The following MIPOL1 variants were observed in gnomAD, a reference collection of about 807,000 sequenced individuals.
The protein encoded by MIPOL1 is mirror-image polydactyly gene 1 protein.
A neutral mutation model predicts 60.9 loss-of-function variants in MIPOL1; 57 were observed. That is an observed-to-expected ratio of 0.94 (90% CI 0.76 to 1.17). The LOEUF is 1.17. Ranked by LOEUF, MIPOL1 falls within the 50% of genes most tolerant of loss-of-function variation. The pLI, the probability that MIPOL1 is intolerant of heterozygous loss-of-function variation, is 0.00. For synonymous variants in MIPOL1, 179 were observed against 168.8 expected (o/e 1.06, Z -0.47); for missense variants, 551 against 511.6 (o/e 1.08, Z -0.74).
intron 10 of MIPOL1, among the ~76,000 whole-genome samples, chr14:37,422,028 T>C (rs762301787): frequency 5.9e-5 from 9 of 152,016 alleles, no homozygotes; most frequent in Admixed American, 2.0e-4. Flanking sequence ...TTATGAAAAT[T>C]TAACTTTGAA....
At chr14:37,473,615 A>G (rs147526590) in intron 11 of MIPOL1, among the ~76,000 whole-genome samples, 2 of 152,292 alleles carry the variant, frequency 1.3e-5, no homozygotes, top group African/African-American at 4.8e-5. Context: ...CTCACGGCAC[A>G]ATTAAGGAAG....
chr14:37,321,292 T>A (rs58119755), intron 9 of MIPOL1, among the ~76,000 whole-genome samples: 1 of 152,150 alleles, frequency 6.6e-6, no homozygotes, highest in African/African-American at 2.4e-5. Flanking sequence ...ATGTGTCTCA[T>A]TATTATATAT....
intron 7 of MIPOL1, among the ~76,000 whole-genome samples, chr14:37,296,709 A>C (rs1594973892): frequency 6.6e-6 from 1 of 152,216 alleles, no homozygotes; most frequent in African/African-American, 2.4e-5. Flanking sequence ...ATCTAGAAGA[A>C]ATGGATAAAT....
At chr14:37,233,371 C>T (rs1970927196) in intron 1 of MIPOL1, among the ~76,000 whole-genome samples, 1 of 151,962 alleles carries the variant, frequency 6.6e-6, no homozygotes, top group Non-Finnish European at 1.5e-5. Context: ...AAAGTTTATT[C>T]TATATGTGGA....
chr14:37,257,105 G>GTA (rs545720150), intron 3 of MIPOL1, among the ~76,000 whole-genome samples: 1,700 of 150,304 alleles, frequency 0.011, 16 homozygotes, highest in Non-Finnish European at 0.019. Flanking sequence ...TTGTGTGTGT[G>GTA]TGTGTGTGTG....
chr14:37,344,390 C>G (rs2090792652), intron 9 of MIPOL1, among the ~76,000 whole-genome samples: 2 of 151,792 alleles, frequency 1.3e-5, no homozygotes, highest in Non-Finnish European at 2.9e-5. Context: ...TCTGTAGTAT[C>G]ATTTAATATG....
chr14:37,367,252 A>G (rs2092502473), intron 9 of MIPOL1, among the ~76,000 whole-genome samples: 1 of 152,216 alleles, frequency 6.6e-6, no homozygotes. Context: ...TAAATTATGC[A>G]TAAATATGCA....
intron 12 of MIPOL1, among the ~76,000 whole-genome samples, chr14:37,518,781 TAC>T (rs954477612): frequency 5.9e-5 from 9 of 152,124 alleles, no homozygotes; most frequent in Admixed American, 4.6e-4. Flanking sequence ...TCAGGGAAAA[TAC>T]AGAGTAATCT....
intron 1 of MIPOL1, among the ~76,000 whole-genome samples, chr14:37,229,002 A>G (rs952177789): frequency 6.6e-6 from 1 of 151,988 alleles, no homozygotes; most frequent in Non-Finnish European, 1.5e-5. Flanking sequence ...TGAAAATGGT[A>G]AAGTTTCTAA....
intron 10 of MIPOL1, among the ~76,000 whole-genome samples, chr14:37,378,807 G>A (rs566971251): frequency 2.6e-5 from 4 of 151,836 alleles, no homozygotes; most frequent in African/African-American, 7.2e-5. Context: ...AAAAGTAGAC[G>A]GATGTATTGA....
chr14:37,215,219 T>A (rs188229157), intron 1 of MIPOL1, among the ~76,000 whole-genome samples: 1 of 152,048 alleles, frequency 6.6e-6, no homozygotes, highest in Non-Finnish European at 1.5e-5. Context: ...ACCTTACCTA[T>A]CATTGGAGAT....
chr14:37,454,767 A>T (rs1318481529), intron 11 of MIPOL1, among the ~76,000 whole-genome samples: 1 of 152,238 alleles, frequency 6.6e-6, no homozygotes, highest in East Asian at 1.9e-4. Context: ...TTGTCAAAGT[A>T]TTAACTAGGT....
chr14:37,247,064 A>G (rs1194104834), intron 1 of MIPOL1, 39 bp from the exon 2 acceptor site: 1 of 152,512 alleles, frequency 6.6e-6, no homozygotes, highest in Non-Finnish European at 1.5e-5. Flanking sequence ...ATTGACTGGA[A>G]CATATTTCTT....
chr14:37,442,374 G>A (rs1015085355), intron 11 of MIPOL1, among the ~76,000 whole-genome samples: 8 of 151,900 alleles, frequency 5.3e-5, no homozygotes, highest in African/African-American at 1.9e-4. Context: ...TCTTTCTCTT[G>A]CCTGATTGCT....
chr14:37,205,373 G>A (rs1481385617), intron 1 of MIPOL1, among the ~76,000 whole-genome samples: 1 of 151,982 alleles, frequency 6.6e-6, no homozygotes, highest in Non-Finnish European at 1.5e-5. Context: ...CAAAGTGCAG[G>A]GATTACAGGT....
intron 9 of MIPOL1, among the ~76,000 whole-genome samples, chr14:37,325,352 G>A (rs923420742): frequency 2.0e-5 from 3 of 151,882 alleles, no homozygotes; most frequent in South Asian, 2.1e-4. Context: ...ATTAGGAGAA[G>A]CAAAAATATA....
chr14:37,492,180 A>T (rs145822395), intron 11 of MIPOL1, among the ~76,000 whole-genome samples: 1 of 152,222 alleles, frequency 6.6e-6, no homozygotes, highest in South Asian at 2.1e-4. Context: ...AAATTAATTG[A>T]TGTAGTAAAC....
chr14:37,491,465 G>T (rs1306639439), intron 11 of MIPOL1, among the ~76,000 whole-genome samples: 1 of 152,130 alleles, frequency 6.6e-6, no homozygotes, highest in Non-Finnish European at 1.5e-5. Context: ...AGAGGTGAAG[G>T]TTGCAGTGAG....
intron 11 of MIPOL1, among the ~76,000 whole-genome samples, chr14:37,456,479 A>G (rs895825588): frequency 6.6e-6 from 1 of 152,138 alleles, no homozygotes; most frequent in Non-Finnish European, 1.5e-5. Context: ...AGGAAATACA[A>G]TTTTTATTAG....
Sources: gnomAD v4.1 joint callset for allele counts (sites outside exome capture counted in the v4.1 genomes callset) on GRCh38, gnomAD v4.1.1 for gene constraint, MANE v1.5 for transcripts, NCBI Gene and HGNC (gene_info 2026-07-23, HGNC 2026-07-21) for gene names.